ZNF804A: variants seen among roughly 807,000 people sequenced by gnomAD.
ZNF804A encodes the protein zinc finger protein 804A.
In ZNF804A, 2 loss-of-function variants were observed where a neutral mutation model predicts 16.5. The ratio of observed to expected loss-of-function variants is 0.12; its 90% CI spans 0.05 to 0.38. ZNF804A has a LOEUF of 0.38. Ranked by LOEUF, ZNF804A falls within the 10% of genes least tolerant of loss-of-function variation. ZNF804A has a pLI of 0.99. For missense variants in ZNF804A, 1,473 were observed against 1,390.7 expected (o/e 1.06, Z -0.94); for synonymous variants, 534 against 489.6 (o/e 1.09, Z -1.20).
chr2:184,883,611 TAG>T (rs1684842562), intron 2 of ZNF804A, among the ~76,000 whole-genome samples: 1 of 152,002 alleles, frequency 6.6e-6, no homozygotes, highest in African/African-American at 2.4e-5. Context: ...CACAATCAAT[TAG>T]GATTTTTCCC....
intron 1 of ZNF804A, among the ~76,000 whole-genome samples, chr2:184,734,606 A>C (rs1429684115): frequency 6.6e-6 from 1 of 152,142 alleles, no homozygotes; most frequent in African/African-American, 2.4e-5. Flanking sequence ...ATCTTGGTGA[A>C]TGTTCCATGT....
intron 1 of ZNF804A, among the ~76,000 whole-genome samples, chr2:184,728,504 C>G (rs1693458973): frequency 6.6e-6 from 1 of 151,840 alleles, no homozygotes; most frequent in Non-Finnish European, 1.5e-5. Flanking sequence ...CAGCTTTAAG[C>G]CTGTGATTTC....
chr2:184,809,533 A>G (rs538536687), intron 1 of ZNF804A, among the ~76,000 whole-genome samples: 9 of 151,880 alleles, frequency 5.9e-5, no homozygotes, highest in Non-Finnish European at 1.3e-4. Flanking sequence ...GACACAGTTG[A>G]AGTATTTTAC....
chr2:184,719,034 C>T (rs1559134304), intron 1 of ZNF804A, among the ~76,000 whole-genome samples: 1 of 152,336 alleles, frequency 6.6e-6, no homozygotes, highest in South Asian at 2.1e-4. Context: ...AAACTTCTGC[C>T]AGGGCATTCA....
intron 1 of ZNF804A, among the ~76,000 whole-genome samples, chr2:184,823,335 CTGTTA>C (rs1168711943): frequency 1.3e-5 from 2 of 152,056 alleles, no homozygotes; most frequent in African/African-American, 4.8e-5. Context: ...GTTCTTAATA[CTGTTA>C]TATTAGGATT....
intron 1 of ZNF804A, among the ~76,000 whole-genome samples, chr2:184,798,065 C>A (rs904713898): frequency 5.5e-5 from 8 of 145,154 alleles, no homozygotes; most frequent in African/African-American, 1.8e-4. Context: ...AAGATAGGGC[C>A]CCAATCCCTT....
intron 2 of ZNF804A, among the ~76,000 whole-genome samples, chr2:184,933,130 T>TAC (rs958879997): frequency 8.4e-6 from 1 of 119,496 alleles, no homozygotes; most frequent in East Asian, 2.6e-4. Flanking sequence ...ACTTTTCACT[T>TAC]ACACACACAC....
rs750701226 is a variant in ZNF804A at position 184,938,951 on chromosome 2, A to G, written c.3555A>G (p.Pro1185=). The change falls in exon 4 of 4, where the codon CCA becomes CCG. Residue 1185 remains proline (P), a synonymous_variant. Transcript: ENST00000302277. Reference sequence around the variant, plus strand: ...TTCATCCTAGCCATCTGGCTTTCCCATCTTTACCCCATGCACTCTTTCCTT... The same window carrying G: ...TTCATCCTAGCCATCTGGCTTTCCCGTCTTTACCCCATGCACTCTTTCCTT... The part of the protein sequence containing the change: ...SVLHPSHLAF[P]SLPHALFPSL... 9.9e-6 allele frequency: 16 copies of G among 1,612,968 alleles called. 1 individual carries two copies. The South Asian group carries it at 1.8e-4, about 18-fold the overall frequency.
intron 1 of ZNF804A, among the ~76,000 whole-genome samples, chr2:184,760,794 T>C (rs1459094725): frequency 6.6e-6 from 1 of 152,106 alleles, no homozygotes; most frequent in East Asian, 1.9e-4. Context: ...GGTTATATAG[T>C]AGCTTTTCTT....
At chr2:184,644,434 T>A (rs934108097) in intron 1 of ZNF804A, among the ~76,000 whole-genome samples, 3 of 151,760 alleles carry the variant, frequency 2.0e-5, no homozygotes, top group Admixed American at 2.0e-4. Context: ...TAAGGTAAGT[T>A]ATTATAAAAT....
At chr2:184,687,953 T>A (rs1297718589) in intron 1 of ZNF804A, among the ~76,000 whole-genome samples, 1 of 152,230 alleles carries the variant, frequency 6.6e-6, no homozygotes, top group South Asian at 2.1e-4. Context: ...ACCCCGTCTC[T>A]ACTAAAAATA....
chr2:184,899,439 TCA>T (rs1685141743), intron 2 of ZNF804A, among the ~76,000 whole-genome samples: 2 of 152,152 alleles, frequency 1.3e-5, no homozygotes, highest in South Asian at 4.1e-4. Flanking sequence ...AATGAATTAG[TCA>T]CACTCGTTTT....
At chr2:184,733,505 T>C (rs957393243) in intron 1 of ZNF804A, among the ~76,000 whole-genome samples, 5 of 152,156 alleles carry the variant, frequency 3.3e-5, no homozygotes, top group Non-Finnish European at 5.9e-5. Flanking sequence ...CTTTGTCTGA[T>C]TTTGGTATCA....
chr2:184,719,519 C>T (rs1055106161), intron 1 of ZNF804A, among the ~76,000 whole-genome samples: 2 of 152,082 alleles, frequency 1.3e-5, no homozygotes, highest in African/African-American at 2.4e-5. Flanking sequence ...CCCTTATAAA[C>T]CTGAATGCCT....
chr2:184,933,543 A>C (rs1384051210), intron 2 of ZNF804A, 60 bp from the exon 3 acceptor site: 1 of 1,494,288 alleles, frequency 6.7e-7, no homozygotes, highest in African/African-American at 1.4e-5. Context: ...ATAACAATGA[A>C]ACTTTAAAAC....
At chr2:184,625,276 A>G (rs894504093) in intron 1 of ZNF804A, among the ~76,000 whole-genome samples, 20 of 152,194 alleles carry the variant, frequency 1.3e-4, no homozygotes. Flanking sequence ...AAATTATAAA[A>G]TAGCCATCAG....
intron 1 of ZNF804A, among the ~76,000 whole-genome samples, chr2:184,829,810 C>T (rs1695229802): frequency 6.8e-6 from 1 of 146,100 alleles, no homozygotes. Flanking sequence ...GCCTATAATC[C>T]TAGCATTTTG....
At chr2:184,599,212 G>A (rs1050061192) in intron 1 of ZNF804A, 142 bp downstream of exon 1, 1 of 676,624 alleles carries the variant, frequency 1.5e-6, no homozygotes, top group Non-Finnish European at 2.5e-6. Context: ...AGAATTGGGT[G>A]TAGAAAAAGG....
intron 1 of ZNF804A, among the ~76,000 whole-genome samples, chr2:184,747,760 A>G (rs1213911910): frequency 6.6e-6 from 1 of 151,114 alleles, no homozygotes; most frequent in East Asian, 1.9e-4. Flanking sequence ...GGACTCTGAT[A>G]GTGAGCATAG....
Sources: allele counts gnomAD v4.1 joint callset (sites outside exome capture counted in the v4.1 genomes callset), GRCh38; gene constraint gnomAD v4.1.1; transcripts MANE v1.5; gene names NCBI Gene and HGNC (gene_info 2026-07-23, HGNC 2026-07-21).